The following PRL variants were observed in gnomAD, a reference collection of about 807,000 sequenced individuals.
PRL encodes prolactin, also known as decidual prolactin.
A neutral mutation model predicts 21.3 loss-of-function variants in PRL; 24 were observed. The ratio of observed to expected loss-of-function variants is 1.13; its 90% CI spans 0.82 to 1.59. PRL has a LOEUF of 1.59. PRL is among the 40% of genes most tolerant of loss of function. The pLI is 0.00. For missense variants in PRL, 243 were observed against 286.9 expected (o/e 0.85, Z 1.10); for synonymous variants, 118 against 115.7 (o/e 1.02, Z -0.13).
intron 1 of PRL, among the ~76,000 whole-genome samples, chr6:22,295,746 C>G (rs1454310423): frequency 2.0e-5 from 3 of 151,916 alleles, no homozygotes; most frequent in African/African-American, 7.3e-5. Context: ...TGGCATTACC[C>G]CAAAAGAATG....
At chr6:22,295,076 C>G (rs1761146971) in intron 1 of PRL, among the ~76,000 whole-genome samples, 2 of 152,100 alleles carry the variant, frequency 1.3e-5, no homozygotes, top group Non-Finnish European at 2.9e-5. Flanking sequence ...AGAATAAACA[C>G]ACGATTGTTT....
rs758194269 is a variant in PRL at position 22,287,603 on chromosome 6, CAA to C, written c.493-12_493-11del. Reference sequence around the variant, plus strand: ...TGGTTTCAGGATGAACCTAATCACACAAAAAAAGAGTGACTTATTCTTCATAT... The same window carrying C: ...TGGTTTCAGGATGAACCTAATCACACAAAAAGAGTGACTTATTCTTCATAT... On this transcript the variant is annotated splice_polypyrimidine_tract_variant and intron_variant, in intron 4 of 4. Coordinates refer to ENST00000306482, the MANE Select transcript of PRL (RefSeq NM_000948.6). 6.4e-7 allele frequency: 1 copy of C among 1,566,462 alleles called. No individual in the cohort carries two copies. Among genetic ancestry groups the C allele is most frequent in the Admixed American group, 1.9e-5 (1 of 53,284 alleles).
Position 22,288,772 on chromosome 6 carries a change from A to G in PRL, c.493-1179T>C, listed in dbSNP as rs960353938. 6.6e-6 allele frequency among the ~76,000 whole-genome samples: 1 copy of G among 152,226 alleles called. No individual in the cohort carries two copies. Among genetic ancestry groups the G allele is most frequent in the African/African-American group, 2.4e-5 (1 of 41,464 alleles). Reference sequence around the variant, plus strand: ...GCTAGTTTGGAGAGTTATTAGGTATATATCTGGATGTAGACGCCGATCTGC... The same window carrying G: ...GCTAGTTTGGAGAGTTATTAGGTATGTATCTGGATGTAGACGCCGATCTGC... On this transcript the variant is annotated intron_variant, in intron 4 of 4. Transcript: ENST00000306482. This position sits in a 1 kb window ranked among gnomAD's most constrained non-coding sequence, Gnocchi z 4.5.
At chr6:22,296,230 T>A (rs1398859205) in intron 1 of PRL, among the ~76,000 whole-genome samples, 1 of 152,206 alleles carries the variant, frequency 6.6e-6, no homozygotes, top group East Asian at 1.9e-4. Flanking sequence ...AATAGACACA[T>A]GTTTTTGTTC....
intron 1 of PRL, among the ~76,000 whole-genome samples, chr6:22,296,478 A>G (rs1044184236): frequency 1.2e-4 from 18 of 152,356 alleles, no homozygotes; most frequent in African/African-American, 4.3e-4. Flanking sequence ...AATCCACATT[A>G]GAGGCCTGAT....
upstream of PRL, among the ~76,000 whole-genome samples, chr6:22,299,436 G>T (rs1488384497): frequency 6.6e-6 from 1 of 152,140 alleles, no homozygotes; most frequent in East Asian, 1.9e-4. Flanking sequence ...ACATCAGGTT[G>T]GTTTTTATTC....
intron 3 of PRL, among the ~76,000 whole-genome samples, chr6:22,291,580 T>A (rs190405455): frequency 6.6e-6 from 1 of 152,150 alleles, no homozygotes; most frequent in South Asian, 2.1e-4. Flanking sequence ...CTCAAAAAAC[T>A]TAGGATTCTT....
rs780564362 is a variant in PRL, at chr6:22,294,602, C to T, written c.29-18G>A. The T allele has an allele frequency of 2.0e-6, 3 of 1,505,008 alleles. No individual in the cohort carries two copies. Among genetic ancestry groups the T allele is most frequent in the African/African-American group, 1.4e-5 (1 of 72,154 alleles). The allele number at this position is 1,505,008 out of a possible 1,614,324, so 93.2% of individuals were successfully genotyped here. On this transcript the variant is annotated intron_variant, in intron 1 of 4. Coordinates refer to ENST00000306482, the MANE Select transcript of PRL (RefSeq NM_000948.6). ...GAGGGACCCTGCTTAAATAAGAACG[C>T]GAGCCACTCTGAGATGATTTATTCC... is the stretch of plus-strand genomic sequence containing the variant.
upstream of PRL, among the ~76,000 whole-genome samples, chr6:22,298,104 A>T (rs1254705099): frequency 6.6e-6 from 1 of 152,152 alleles, no homozygotes; most frequent in Non-Finnish European, 1.5e-5. Context: ...TACACCCATC[A>T]TTCTGGTATA....
chr6:22,294,966 A>AT (rs953733740), intron 1 of PRL, among the ~76,000 whole-genome samples: 3 of 150,894 alleles, frequency 2.0e-5, no homozygotes, highest in Non-Finnish European at 3.0e-5. Context: ...GCACTTTGTA[A>AT]TTTTTTTTTT....
At chr6:22,295,881 C>G (rs1392934242) in intron 1 of PRL, among the ~76,000 whole-genome samples, 1 of 152,104 alleles carries the variant, frequency 6.6e-6, no homozygotes. Context: ...AGTACCTAAA[C>G]CTAAACACTT....
At position 22,288,891 on chromosome 6, in the gene PRL, T is replaced by C. The variant is rs1240296880; in HGVS notation, c.492+1283A>G. 1.5e-4 allele frequency among the ~76,000 whole-genome samples: 23 copies of C among 151,910 alleles called. No individual in the cohort carries two copies. Among genetic ancestry groups the C allele is most frequent in the Admixed American group, 1.4e-3 (22 of 15,264 alleles). ...GTGTGTGTATGCGCGTGCGCGTGTG[T>C]GTGCGTGTGTGCGCGCGCGTGTGTG... is the stretch of plus-strand genomic sequence containing the variant. On this transcript the variant is annotated intron_variant, in intron 4 of 4. Coordinates refer to ENST00000306482, the MANE Select transcript of PRL (RefSeq NM_000948.6). The surrounding 1 kb of genome is among the most constrained non-coding windows in gnomAD (Gnocchi z 4.5).
At chr6:22,293,833 G>GA in intron 2 of PRL, among the ~76,000 whole-genome samples, 1 of 152,110 alleles carries the variant, frequency 6.6e-6, no homozygotes, top group Non-Finnish European at 1.5e-5. Context: ...GGAAAAGAAA[G>GA]AAAAAAGCAC....
chr6:22,292,696 T>A (rs1280085733), intron 2 of PRL, 51 bp from the exon 3 acceptor site: 1 of 1,460,276 alleles, frequency 6.8e-7, no homozygotes, highest in Non-Finnish European at 9.5e-7. Flanking sequence ...GGGCATTGAA[T>A]AAATGAATCC....
upstream of PRL, among the ~76,000 whole-genome samples, chr6:22,299,859 C>A (rs1394929266): frequency 1.3e-5 from 2 of 151,920 alleles, no homozygotes; most frequent in Admixed American, 1.3e-4. Context: ...AAAAAAATTT[C>A]TTCACATAAC....
chr6:22,292,755 AGAG>A, intron 2 of PRL, 110 bp from the exon 3 acceptor site: 1 of 809,266 alleles, frequency 1.2e-6, no homozygotes, highest in Non-Finnish European at 1.9e-6. Flanking sequence ...TTAAAAAATT[AGAG>A]CTACATAAAA....
Position 22,292,567 on chromosome 6 carries a change from CG to C in PRL, c.282del (p.Glu95LysfsTer9), listed in dbSNP as rs781238215. On this transcript the variant is annotated frameshift_variant, in exon 3 of 5. Coordinates refer to ENST00000306482, the MANE Select transcript of PRL (RefSeq NM_000948.6). LOFTEE classifies it high-confidence loss of function. ...ATCTGTTGGGCTTGCTCCTTGTCTT[CG>C]GGGGTGGCAAGGGAAGAAGTGTGGC... The part of the protein sequence containing the change: ...NSCHTSSLAT[P>X]EDKEQAQQMN... 8 of 1,613,920 alleles carry C rather than the reference CG, an allele frequency of 5.0e-6. No homozygotes were observed. Among genetic ancestry groups the C allele is most frequent in the Non-Finnish European group, 5.9e-6 (7 of 1,180,018 alleles).
Position 22,292,627 on chromosome 6 carries a change from C to T in PRL, c.223G>A (p.Gly75Ser). The T allele has an allele frequency of 6.2e-7, 1 of 1,613,978 alleles. No individual in the cohort carries two copies. Among genetic ancestry groups the T allele is most frequent in the Non-Finnish European group, 8.5e-7 (1 of 1,179,950 alleles). Residue 75 changes from glycine to serine, a missense_variant, in exon 3 of 5, where the codon GGC becomes AGC. Transcript: ENST00000306482. ...ATGGCCTTGGTAATGAACCCCCGGC[C>T]ATGGGTATACCGTTTATCCTGGAAA... is the stretch of plus-strand genomic sequence containing the variant. ...FSEFDKRYTHGRGFITKAINS... is the reference protein window; with the variant it reads ...FSEFDKRYTHSRGFITKAINS...
chr6:22,301,804 G>T (rs1761286489), upstream of PRL, among the ~76,000 whole-genome samples: 1 of 151,834 alleles, frequency 6.6e-6, no homozygotes, highest in Non-Finnish European at 1.5e-5. Flanking sequence ...ATAACCAAAG[G>T]GATGATTTTT....
Sources: allele counts gnomAD v4.1 joint callset (sites outside exome capture counted in the v4.1 genomes callset), GRCh38; gene constraint gnomAD v4.1.1; non-coding constraint Gnocchi (gnomAD v3.1); transcripts MANE v1.5; gene names NCBI Gene and HGNC (gene_info 2026-07-23, HGNC 2026-07-21).